The following NEB variants were observed in gnomAD, a reference collection of about 807,000 sequenced individuals.
NEB encodes the protein nemaline myopathy type 2.
Under a neutral mutation model 952.2 loss-of-function variants are expected in NEB, and 512 were observed. That is an observed-to-expected ratio of 0.54 (90% confidence interval 0.50 to 0.58). The LOEUF is 0.58. Among genes scored for constraint, NEB ranks in the 20% least tolerant of loss-of-function variants. The pLI, the probability that NEB is intolerant of heterozygous loss-of-function variation, is 0.00. For synonymous variants in NEB, 2,900 were observed against 3,149.8 expected, an observed-to-expected ratio of 0.92 and a Z score of 2.66; for missense variants, 8,428 against 9,231.1, an observed-to-expected ratio of 0.91 and a Z score of 3.56.
At chr2:151,650,947 T>C (rs2099022603) in intron 52 of NEB, 62 bp from the exon 53 acceptor site, 3 of 1,435,514 alleles carry the variant, frequency 2.1e-6, no homozygotes, top group Non-Finnish European at 2.8e-6. Flanking sequence ...TCAACTTGCT[T>C]TTTTTTCTTT....
intron 123 of NEB, 106 bp from the exon 124 acceptor site, chr2:151,560,805 A>G (rs1378326039): frequency 6.3e-5 from 53 of 843,304 alleles, no homozygotes; most frequent in Non-Finnish European, 9.6e-5. Context: ...ACTCCCTACT[A>G]ACTCCCAGGA....
In NEB at chr2:151,644,031, G is replaced by C; in HGVS notation, c.7743C>G (p.Ala2581=). The C allele has an allele frequency of 6.2e-7, 1 of 1,613,900 alleles. No individual in the cohort carries two copies. Among genetic ancestry groups the C allele is most frequent in the Non-Finnish European group, 8.5e-7 (1 of 1,179,882 alleles). The change falls in exon 57 of 182, where the codon GCC becomes GCG. Residue 2581 remains alanine, a synonymous_variant. Transcript: ENST00000397345. ...DPKMMWSMHV[A]KIQSDREYKK... ...TGTACTCCCTGTCACTCTGGATCTT[G>C]GCCACATGCATGGACCACATCATCT...
chr2:151,490,493 C>T lies in NEB; in HGVS notation c.25176G>A (p.Glu8392=), dbSNP rs1252479632. The T allele has an allele frequency of 1.2e-6, 2 of 1,609,224 alleles. No individual in the cohort carries two copies. Among genetic ancestry groups the T allele is most frequent in the Admixed American group, 1.7e-5 (1 of 59,554 alleles). The stretch of plus-strand genomic sequence containing the variant: ...TTAGTGCACTGGCAGATCGTGACTG[C>T]TCCCGGCTCCGGCGCTGAGCTTGGA... ...INVQAQRRSR[E]QSRSASALSI... is the part of the protein sequence containing the mutation. Residue 8392 remains glutamate (E), a synonymous_variant, in exon 180 of 182, where the codon GAG becomes GAA. Coordinates refer to ENST00000397345, the MANE Select transcript of NEB (RefSeq NM_001164508.2).
chr2:151,655,917 T>C lies in NEB; in HGVS notation c.6602A>G (p.Asp2201Gly), dbSNP rs1208425512. 3 of 1,613,736 alleles carry C rather than the reference T, an allele frequency of 1.9e-6. No homozygotes were observed. Among genetic ancestry groups the C allele is most frequent in the Non-Finnish European group, 2.5e-6 (3 of 1,179,816 alleles). ...KAKKATEYAS[D>G]QKYRQHPSNF... ...GCTCGGGTGCTGGCGGTATTTCTGA[T>C]CACTGGCATATTCAGTTGCTTTCTT... The change falls in exon 50 of 182, where the codon GAT becomes GGT. Residue 2201 changes from aspartate (D) to glycine (G), a missense_variant. Physicochemically the swap from Asp to Gly is moderately conservative, Grantham distance 94. Around this residue, in one of 11 missense-constraint regions of NEB, gnomAD observed 2,851 missense variants for 2,791.5 expected, o/e 1.02. Transcript: ENST00000397345.
intron 138 of NEB, 84 bp from the exon 139 acceptor site, chr2:151,538,328 T>C: frequency 9.8e-7 from 1 of 1,020,096 alleles, no homozygotes; most frequent in Non-Finnish European, 1.5e-6. Flanking sequence ...TCTCTTGTCT[T>C]CTCTCTGGTT....
chr2:151,696,799 G>A, intron 16 of NEB, 64 bp from the exon 17 acceptor site: 1 of 1,240,994 alleles, frequency 8.1e-7, no homozygotes, highest in Non-Finnish European at 1.2e-6. Flanking sequence ...TGGCCCACAG[G>A]CCAAGCAAAT....
In NEB at chr2:151,552,705, C is replaced by T. The variant is rs374957115; in HGVS notation, c.19803G>A (p.Val6601=). The T allele has an allele frequency of 9.3e-6, 15 of 1,613,208 alleles. No homozygotes were observed. The African/African-American group carries it at 2.0e-4, about 22-fold the overall frequency. Residue 6601 remains valine (V), a synonymous_variant, in exon 128 of 182, where the codon GTG becomes GTA. Transcript: ENST00000397345. ...GCTGTTTCCCACTTTTGACAGCCTG[C>T]ACGTAGACTGGTGTATCTGTGACAA... ...YKLVTDTPVY[V]QAVKSGKQLS...
chr2:151,724,602 G>T (rs538894161), intron 7 of NEB, among the ~76,000 whole-genome samples: 1 of 152,226 alleles, frequency 6.6e-6, no homozygotes, highest in East Asian at 1.9e-4. Flanking sequence ...GGTGACACTG[G>T]GACTTCATGC....
chr2:151,610,086 C>G lies in NEB; in HGVS notation c.12053G>C (p.Gly4018Ala). 1.2e-6 allele frequency: 2 copies of G among 1,613,036 alleles called. No individual in the cohort carries two copies. The highest frequency in any genetic ancestry group is 1.7e-6 in the Non-Finnish European group (2 of 1,179,502). The change falls in exon 81 of 182, where the codon GGC (glycine) becomes GCC (alanine). Residue 4018 changes from glycine to alanine, a missense_variant. Transcript: ENST00000397345. ...AATGCTCTGGGCTCCAATGTGGTGG[C>G]CTTTCTGTTTCTCATAGGCTTCCTT... ...KYKEAYEKQK[G>A]HHIGAQSIED...
chr2:151,529,184 T>G, intron 146 of NEB, 26 bp downstream of exon 146: 1 of 1,480,958 alleles, frequency 6.8e-7, no homozygotes, highest in Non-Finnish European at 9.4e-7. Context: ...TCCCCCACCA[T>G]GCTTGGGGAA....
chr2:151,698,624 G>A (rs75396628), intron 13 of NEB, among the ~76,000 whole-genome samples: 14,613 of 149,550 alleles, frequency 0.098, 921 homozygotes, highest in African/African-American at 0.17. Flanking sequence ...CCCTGTATCA[G>A]TACTTCATTA....
At chr2:151,697,998 G>A (rs1369016595) in intron 13 of NEB, among the ~76,000 whole-genome samples, 4 of 152,142 alleles carry the variant, frequency 2.6e-5, no homozygotes, top group Non-Finnish European at 5.9e-5. Context: ...CCCGGGAGGC[G>A]GAGGTTGCAG....
chr2:151,716,102 T>C (rs1351803921), intron 10 of NEB: 2 of 427,862 alleles, frequency 4.7e-6, no homozygotes, highest in Admixed American at 5.5e-5. Flanking sequence ...CCTTCTCCCG[T>C]CTTATTTACA....
chr2:151,525,905 T>G, intron 150 of NEB, 53 bp downstream of exon 150: 1 of 1,373,976 alleles, frequency 7.3e-7, no homozygotes, highest in Non-Finnish European at 1.0e-6. Flanking sequence ...TTCACCAGAT[T>G]CTACAGTCAA....
chr2:151,710,568 G>A, intron 10 of NEB, 30 bp from the exon 11 acceptor site: 2 of 1,368,330 alleles, frequency 1.5e-6, no homozygotes, highest in Non-Finnish European at 1.0e-6. Flanking sequence ...AATAAGACAA[G>A]CATAACTCAT....
At chr2:151,551,259 G>A (rs1324535954) in intron 129 of NEB, among the ~76,000 whole-genome samples, 5 of 152,054 alleles carry the variant, frequency 3.3e-5, no homozygotes, top group Non-Finnish European at 5.9e-5. Flanking sequence ...ATGAACCACC[G>A]CACCTGGCCA....
chr2:151,697,453 T>G lies in NEB; in HGVS notation c.1262A>C (p.Lys421Thr). 6.2e-7 allele frequency: 1 copy of G among 1,612,902 alleles called. No homozygotes were observed. The highest frequency in any genetic ancestry group is 1.1e-5 in the South Asian group (1 of 90,812). Reference protein sequence around the residue: ...TVLQNFSSDKKYKDSYLKDIL... With the variant: ...TVLQNFSSDKTYKDSYLKDIL... ...ATCTTTTAAGTAGGAATCTTTATAT[T>G]TTTTCTGCAAGACAAAACATACTTC... Residue 421 changes from lysine to threonine, a missense_variant, in exon 15 of 182, where the codon AAA (lysine) becomes ACA (threonine). By Grantham distance (78) the Lys-to-Thr change is moderately conservative. Transcript: ENST00000397345.
At chr2:151,674,950 G>C (rs12623646) in intron 35 of NEB, among the ~76,000 whole-genome samples, 1,708 of 152,182 alleles carry the variant, frequency 0.011, 37 homozygotes, top group East Asian at 0.064. Flanking sequence ...GAAATTTTAG[G>C]GTTGTTATTT....
intron 146 of NEB, 30 bp from the exon 147 acceptor site, chr2:151,527,615 T>C: frequency 6.5e-7 from 1 of 1,530,886 alleles, no homozygotes; most frequent in Non-Finnish European, 9.0e-7. Context: ...AAGGAATCAC[T>C]TGATTCAGTA....
Sources: gnomAD v4.1 joint callset for allele counts (sites outside exome capture counted in the v4.1 genomes callset) on GRCh38, gnomAD v4.1.1 for gene constraint, gnomAD v4.1.1 regional missense constraint, MANE v1.5 for transcripts, NCBI Gene and HGNC (gene_info 2026-07-23, HGNC 2026-07-21) for gene names.